Variants in CRTC1 observed in about 807,000 individuals in gnomAD.
CRTC1 encodes CREB-regulated transcription coactivator 1.
CRTC1 carries 18 observed loss-of-function variants against 66.1 expected under a neutral mutation model. That is an observed-to-expected ratio of 0.27 (90% CI 0.19 to 0.40). The LOEUF is 0.40. CRTC1 is among the 10% of genes least tolerant of loss of function. CRTC1 has a pLI of 1.00. For synonymous variants in CRTC1, 416 were observed against 398.8 expected (o/e 1.04, Z -0.51); for missense variants, 669 against 887.9 (o/e 0.75, Z 3.13).
At chr19:18,770,027 C>T (rs2145845251) in intron 10 of CRTC1, among the ~76,000 whole-genome samples, 1 of 151,310 alleles carries the variant, frequency 6.6e-6, no homozygotes, top group South Asian at 2.1e-4. Flanking sequence ...CCCCACCCCG[C>T]CCCACCTGGA....
intron 3 of CRTC1, 112 bp downstream of exon 3, chr19:18,746,072 C>A: frequency 7.2e-7 from 1 of 1,398,362 alleles, no homozygotes; most frequent in Non-Finnish European, 9.7e-7. Context: ...GCTCTGGGGA[C>A]AGAATCAGGG....
chr19:18,692,329 C>T (rs1011286516), intron 1 of CRTC1, among the ~76,000 whole-genome samples: 17 of 152,176 alleles, frequency 1.1e-4, no homozygotes, highest in African/African-American at 3.1e-4. Flanking sequence ...CTGTCAGGCC[C>T]GGGGTTCCTT....
In CRTC1 at chr19:18,768,643, C is replaced by A; in HGVS notation, c.1170C>A (p.Val390=). Residue 390 remains valine (V), a synonymous_variant, in exon 10 of 14, where the codon GTC becomes GTA. Coordinates refer to ENST00000321949, the MANE Select transcript of CRTC1 (RefSeq NM_015321.3). This position sits in a 1 kb window ranked among gnomAD's most constrained non-coding sequence, Gnocchi z 5.6. The part of the protein sequence containing the change: ...PPPPPPPQAP[V]RLPPGGPLLP... ...CCCCGCCACCCCCACAGGCGCCCGT[C>A]CGCCTGCCCCCTGGTGGCCCCCTGT... 6.6e-7 allele frequency: 1 copy of A among 1,518,382 alleles called. No homozygotes were observed. Among genetic ancestry groups the A allele is most frequent in the Non-Finnish European group, 8.9e-7 (1 of 1,122,542 alleles). 94.1% of individuals were successfully genotyped at this position (1,518,382 alleles called of 1,614,324 possible). A position where few individuals can be genotyped will look rare whatever the true frequency, so the allele number is the denominator to read the frequency against.
intron 1 of CRTC1, among the ~76,000 whole-genome samples, chr19:18,699,367 C>T (rs1345818183): frequency 3.3e-5 from 5 of 152,148 alleles, no homozygotes; most frequent in African/African-American, 1.2e-4. Flanking sequence ...CTAAGCAAAT[C>T]CTGAGCCTGT....
intron 6 of CRTC1, among the ~76,000 whole-genome samples, chr19:18,757,550 A>G (rs1017136415): frequency 5.9e-5 from 9 of 152,082 alleles, no homozygotes; most frequent in Admixed American, 2.0e-4. Context: ...TTCTGCTGGG[A>G]TTATGATTTT....
At chr19:18,713,484 C>A (rs138956808) in intron 1 of CRTC1, among the ~76,000 whole-genome samples, 4 of 152,278 alleles carry the variant, frequency 2.6e-5, no homozygotes, top group African/African-American at 7.2e-5. Flanking sequence ...CCGGAGTAGA[C>A]CAGTTTTCTA....
chr19:18,781,227 C>T lies in CRTC1; in HGVS notation c.*3845C>T, dbSNP rs971506068. ...ATGTGGTGCCCTGGGCCAGGGCGTG[C>T]GGGCGCCAGAGCCTTCCCTACACAG... On this transcript the variant is annotated 3_prime_UTR_variant, in exon 14 of 14. Transcript: ENST00000321949. 2.2e-5 allele frequency: 5 copies of T among 226,344 alleles called. No homozygotes were observed. The highest frequency in any genetic ancestry group is 5.7e-5 in the Admixed American group (1 of 17,536). 14.0% of individuals were successfully genotyped at this position (226,344 alleles called of 1,614,324 possible).
chr19:18,777,135 C>A lies in CRTC1; in HGVS notation c.1694-36C>A. On this transcript the variant is annotated intron_variant, in intron 13 of 13. Transcript: ENST00000321949. This position sits in a 1 kb window ranked among gnomAD's most constrained non-coding sequence, Gnocchi z 5.5. ...ATGGATGCGAGCGATGGAGCCAGGG[C>A]TAAGCAGTGCCTTTTGTCCCCACCC... The A allele has an allele frequency of 2.5e-6, 3 of 1,204,062 alleles. No individual in the cohort carries two copies. Among genetic ancestry groups the A allele is most frequent in the Non-Finnish European group, 2.4e-6 (2 of 816,502 alleles). 74.6% of individuals were successfully genotyped at this position (1,204,062 alleles called of 1,614,324 possible).
chr19:18,742,550 C>A (rs985081565), intron 1 of CRTC1, among the ~76,000 whole-genome samples: 6 of 152,222 alleles, frequency 3.9e-5, no homozygotes, highest in Non-Finnish European at 8.8e-5. Context: ...AGAAATGGCT[C>A]CCCTGGGCTG....
At chr19:18,746,589 C>T (rs1242037512) in intron 3 of CRTC1, among the ~76,000 whole-genome samples, 1 of 150,790 alleles carries the variant, frequency 6.6e-6, no homozygotes, top group Non-Finnish European at 1.5e-5. Context: ...CTCTCCAGAA[C>T]AGAGAAGCTT....
intron 1 of CRTC1, among the ~76,000 whole-genome samples, chr19:18,730,247 C>T (rs776799523): frequency 1.1e-4 from 16 of 142,374 alleles, no homozygotes; most frequent in Non-Finnish European, 2.3e-4. Context: ...GTAGATCCCA[C>T]GAAGCACATC....
In CRTC1 at chr19:18,768,920, G is replaced by T; in HGVS notation, c.1320+127G>T. ...TCAGAACCCCAGCGAACGCTGCCTG[G>T]GCCCACCTCTCCACGGGGCTACCCC... On this transcript the variant is annotated intron_variant, in intron 10 of 13. Transcript: ENST00000321949. The surrounding 1 kb of genome is among the most constrained non-coding windows in gnomAD (Gnocchi z 5.6). 1 of 1,223,994 alleles carries T rather than the reference G, an allele frequency of 8.2e-7. No individual in the cohort carries two copies. 75.8% of individuals were successfully genotyped at this position (1,223,994 alleles called of 1,614,324 possible).
chr19:18,712,744 G>A (rs1011902413), intron 1 of CRTC1, among the ~76,000 whole-genome samples: 5 of 151,914 alleles, frequency 3.3e-5, no homozygotes, highest in East Asian at 1.9e-4. Context: ...CAGATCGCTC[G>A]AGGTCAGGAG....
At chr19:18,765,304 G>T (rs1356477731) in intron 8 of CRTC1, 100 bp from the exon 9 acceptor site, 1 of 1,475,878 alleles carries the variant, frequency 6.8e-7, no homozygotes, top group East Asian at 2.4e-5. Flanking sequence ...TGTCTGAGCA[G>T]TTGAGCTATT....
At chr19:18,752,188 A>G (rs991487548) in intron 5 of CRTC1, among the ~76,000 whole-genome samples, 1 of 151,686 alleles carries the variant, frequency 6.6e-6, no homozygotes, top group African/African-American at 2.4e-5. Flanking sequence ...ATATACACAC[A>G]AGCTAGGCAG....
intron 1 of CRTC1, among the ~76,000 whole-genome samples, chr19:18,691,965 G>T (rs530891406): frequency 1.3e-5 from 2 of 152,044 alleles, no homozygotes; most frequent in African/African-American, 4.8e-5. Context: ...CACCTGCCTC[G>T]GCCTCCCAAT....
intron 6 of CRTC1, among the ~76,000 whole-genome samples, chr19:18,756,128 G>A (rs117360667): frequency 0.11 from 17,094 of 152,014 alleles, 1,207 homozygotes; most frequent in Middle Eastern, 0.21. Flanking sequence ...GAGGTCAGGG[G>A]TTTGACACCA....
intron 8 of CRTC1, among the ~76,000 whole-genome samples, chr19:18,763,115 T>C (rs543594214): frequency 9.7e-4 from 147 of 152,318 alleles, no homozygotes; most frequent in Non-Finnish European, 1.7e-3. Flanking sequence ...TTTTTCTTTT[T>C]TTTGAGACAA....
intron 1 of CRTC1, among the ~76,000 whole-genome samples, chr19:18,701,208 G>T (rs559100160): frequency 6.6e-6 from 1 of 152,346 alleles, no homozygotes; most frequent in South Asian, 2.1e-4. Flanking sequence ...TCGCGGGCCC[G>T]CCCCCAGAGC....
Sources: gnomAD v4.1 joint callset for allele counts (sites outside exome capture counted in the v4.1 genomes callset) on GRCh38, gnomAD v4.1.1 for gene constraint, Gnocchi (gnomAD v3.1) non-coding constraint, MANE v1.5 for transcripts, NCBI Gene and HGNC (gene_info 2026-07-23, HGNC 2026-07-21) for gene names.